Variants in OXTR observed in about 807,000 individuals in gnomAD.
OXTR encodes oxytocin receptor.
Under a neutral mutation model 23.9 loss-of-function variants are expected in OXTR, and 19 were observed. The observed-to-expected ratio is 0.80, with a 90% CI of 0.56 to 1.17. OXTR has a LOEUF of 1.17. Among genes scored for constraint, OXTR ranks in the 50% most tolerant of loss-of-function variants. The pLI is 0.00. For missense variants in OXTR, 500 were observed against 550.7 expected, an observed-to-expected ratio of 0.91 and a Z score of 0.92; for synonymous variants, 278 against 250.5, an observed-to-expected ratio of 1.11 and a Z score of -1.04.
At chr3:8,745,573 T>G (rs1708130193), downstream of OXTR, 1 of 1,614,160 alleles carries the variant, frequency 6.2e-7, no homozygotes, top group African/African-American at 1.3e-5. This position sits in a 1 kb window ranked among gnomAD's most constrained non-coding sequence, Gnocchi z 4.8. Context: ...CCTACAGCTT[T>G]GACGGCGTGT....
downstream of OXTR, chr3:8,746,022 A>T: frequency 1.6e-6 from 1 of 624,714 alleles, no homozygotes. Context: ...GCCAGAAAGA[A>T]AAGACGGCCC....
chr3:8,761,433 G>A (rs13319411), intron 3 of OXTR, among the ~76,000 whole-genome samples: 22,318 of 152,026 alleles, frequency 0.15, 1,934 homozygotes, highest in East Asian at 0.29. Flanking sequence ...CAGGTCCAGC[G>A]ATCTAACAAG....
At chr3:8,747,668 G>T (rs1196293846), downstream of OXTR, among the ~76,000 whole-genome samples, 1 of 152,122 alleles carries the variant, frequency 6.6e-6, no homozygotes, top group Non-Finnish European at 1.5e-5. Flanking sequence ...GCTCTCCCTT[G>T]GGGCTCTTCC....
chr3:8,744,896 G>A, the OXTR span: 2 of 153,398 alleles, frequency 1.3e-5, no homozygotes. Context: ...CGGTGCCTAG[G>A]AACAGCAGCA....
At chr3:8,754,355 G>A (rs1178040029) in intron 3 of OXTR, among the ~76,000 whole-genome samples, 1 of 152,184 alleles carries the variant, frequency 6.6e-6, no homozygotes, top group African/African-American at 2.4e-5. Flanking sequence ...ATCTCCTGAT[G>A]ACAGACAAGG....
At chr3:8,753,353 A>C in intron 3 of OXTR, 129 bp from the exon 4 acceptor site, 1 of 1,122,098 alleles carries the variant, frequency 8.9e-7, no homozygotes, top group Non-Finnish European at 1.3e-6. Flanking sequence ...CCTGAATCAC[A>C]AGATGAGGTA....
chr3:8,768,107 G>A lies in OXTR; in HGVS notation c.81C>T (p.Arg27=), dbSNP rs1277000752. The A allele has an allele frequency of 3.5e-6, 5 of 1,408,618 alleles. No individual in the cohort carries two copies. The highest frequency in any genetic ancestry group is 3.0e-5 in the African/African-American group (2 of 66,486). 87.3% of individuals were successfully genotyped at this position (1,408,618 alleles called of 1,614,324 possible). ...CGTTGCGCCGCGGGGGTCCGGCGGT[G>A]CGGTTGCCCTCGGCCCCCGGCGGCG... ...SAAPPGAEGN[R]TAGPPRRNEA... Residue 27 remains arginine (R), a synonymous_variant, in exon 3 of 4, where the codon CGC becomes CGT. Coordinates refer to ENST00000316793, the MANE Select transcript of OXTR (RefSeq NM_000916.4). The surrounding 1 kb of genome is among the most constrained non-coding windows in gnomAD (Gnocchi z 5.4).
Position 8,767,414 on chromosome 3 carries a change from C to G in OXTR, c.774G>C (p.Ala258=), listed in dbSNP as rs760741282. ...AGATGAGCTTGACGCTGCTGACACG[C>G]GCCAGGGCCACGCGCCCCCCATCGC... The part of the protein sequence containing the change: ...AAGDGGRVAL[A]RVSSVKLISK... The change falls in exon 3 of 4, where the codon GCG becomes GCC. Residue 258 remains alanine, a synonymous_variant. Coordinates refer to ENST00000316793, the MANE Select transcript of OXTR (RefSeq NM_000916.4). 3 of 1,609,632 alleles carry G rather than the reference C, an allele frequency of 1.9e-6. No individual in the cohort carries two copies. The highest frequency in any genetic ancestry group is 1.7e-6 in the Non-Finnish European group (2 of 1,178,108).
chr3:8,767,868 C>T lies in OXTR; in HGVS notation c.320G>A (p.Gly107Glu), dbSNP rs1296613616. 1.2e-6 allele frequency: 2 copies of T among 1,613,342 alleles called. No individual in the cohort carries two copies. Among genetic ancestry groups the T allele is most frequent in the African/African-American group, 2.7e-5 (2 of 74,888 alleles). ...GACCAGGCGGCACAGCAGGTCGGGC[C>T]CGTAGAAGCGGAAGGTGATGTCCCA... ...LLWDITFRFYGPDLLCRLVKY... is the reference protein window; with the variant it reads ...LLWDITFRFYEPDLLCRLVKY... The change falls in exon 3 of 4, where the codon GGG (glycine) becomes GAG (glutamate). Residue 107 changes from glycine to glutamate, a missense_variant. Coordinates refer to ENST00000316793, the MANE Select transcript of OXTR (RefSeq NM_000916.4).
At chr3:8,760,068 C>T (rs1323213493) in intron 3 of OXTR, among the ~76,000 whole-genome samples, 1 of 152,244 alleles carries the variant, frequency 6.6e-6, no homozygotes, top group Non-Finnish European at 1.5e-5. Flanking sequence ...CCTGCAGCCC[C>T]TTTGCTAAAA....
chr3:8,755,642 C>A (rs995407885), intron 3 of OXTR, among the ~76,000 whole-genome samples: 2 of 152,222 alleles, frequency 1.3e-5, no homozygotes, highest in Non-Finnish European at 2.9e-5. Flanking sequence ...TGGCCACAGA[C>A]ACGAGTGACC....
chr3:8,745,953 G>T (rs1052106103), downstream of OXTR: 3 of 1,112,058 alleles, frequency 2.7e-6, no homozygotes, highest in Admixed American at 5.8e-5. This position sits in a 1 kb window ranked among gnomAD's most constrained non-coding sequence, Gnocchi z 4.8. Context: ...GGCTGCTGGC[G>T]AGCTCTTTCT....
chr3:8,749,915 C>T (rs1013290766), downstream of OXTR, among the ~76,000 whole-genome samples: 1 of 152,116 alleles, frequency 6.6e-6, no homozygotes, highest in Non-Finnish European at 1.5e-5. Context: ...GATCTGTGGC[C>T]TTTGAGAGTG....
At chr3:8,742,946 G>A in the OXTR span, among the ~76,000 whole-genome samples, 2 of 152,212 alleles carry the variant, frequency 1.3e-5, no homozygotes, top group African/African-American at 4.8e-5. Context: ...AAGAAGCATG[G>A]TGCAGGCATC....
rs1489734213 is a variant in OXTR at position 8,767,851 on chromosome 3, G to C, written c.337C>G (p.Arg113Gly). The change falls in exon 3 of 4, where the codon CGC (arginine) becomes GGC (glycine). Residue 113 changes from arginine to glycine, a missense_variant. Arg to Gly is a moderately radical substitution (Grantham distance 125). Transcript: ENST00000316793. ...ACCACCTGCAAGTACTTGACCAGGC[G>C]GCACAGCAGGTCGGGCCCGTAGAAG... Reference protein sequence around the residue: ...FRFYGPDLLCRLVKYLQVVGM... With the variant: ...FRFYGPDLLCGLVKYLQVVGM... The C allele has an allele frequency of 1.2e-6, 2 of 1,612,884 alleles. No homozygotes were observed. Among genetic ancestry groups the C allele is most frequent in the African/African-American group, 2.7e-5 (2 of 74,872 alleles).
the OXTR span, chr3:8,742,442 G>GT: frequency 6.7e-6 from 3 of 449,160 alleles, no homozygotes; most frequent in Middle Eastern, 3.3e-4. Context: ...GATTATTACT[G>GT]TAAGTACTGT....
chr3:8,754,742 TC>T (rs1559667179), intron 3 of OXTR, among the ~76,000 whole-genome samples: 1 of 152,154 alleles, frequency 6.6e-6, no homozygotes, highest in Non-Finnish European at 1.5e-5. Context: ...AAATGCACAT[TC>T]TCAGGCCCCA....
intron 3 of OXTR, among the ~76,000 whole-genome samples, chr3:8,755,327 T>G (rs17049515): frequency 6.6e-6 from 1 of 152,168 alleles, no homozygotes; most frequent in Non-Finnish European, 1.5e-5. Flanking sequence ...GGGAAGGACA[T>G]AGGTGTATAA....
At chr3:8,741,773 G>A in the OXTR span, among the ~76,000 whole-genome samples, 32 of 152,130 alleles carry the variant, frequency 2.1e-4, no homozygotes, top group African/African-American at 7.7e-4. Context: ...CCGGGTGACT[G>A]TTGTCCTCCC....
Sources: gnomAD v4.1 joint callset for allele counts (sites outside exome capture counted in the v4.1 genomes callset) on GRCh38, gnomAD v4.1.1 for gene constraint, Gnocchi (gnomAD v3.1) non-coding constraint, MANE v1.5 for transcripts, NCBI Gene and HGNC (gene_info 2026-07-23, HGNC 2026-07-21) for gene names.